LIMS1: variants seen among roughly 807,000 people sequenced by gnomAD.
LIMS1 encodes the protein LIM and senescent cell antigen-like-containing domain protein 1.
In LIMS1, 18 loss-of-function variants were observed where a neutral mutation model predicts 44.1. The ratio of observed to expected loss-of-function variants is 0.41; its 90% CI spans 0.28 to 0.61. The LOEUF (loss-of-function observed/expected upper bound fraction) is 0.61, where lower values mean the gene tolerates loss of function less well. Ranked by LOEUF, LIMS1 falls within the 20% of genes least tolerant of loss-of-function variation. LIMS1 has a pLI of 0.32. For synonymous variants in LIMS1, 93 were observed against 149.1 expected, an observed-to-expected ratio of 0.62 and a Z score of 2.74; for missense variants, 201 against 422.0, an observed-to-expected ratio of 0.48 and a Z score of 4.59.
chr2:108,555,212 G>A (rs761725493), intron 1 of LIMS1, among the ~76,000 whole-genome samples: 1 of 152,128 alleles, frequency 6.6e-6, no homozygotes, highest in Non-Finnish European at 1.5e-5. Context: ...TTTGAGGGGG[G>A]AGGGGGAAGC....
chr2:108,663,960 G>C (rs1472065712), intron 2 of LIMS1, among the ~76,000 whole-genome samples: 1 of 151,832 alleles, frequency 6.6e-6, no homozygotes, highest in African/African-American at 2.4e-5. Context: ...CTCCATGTTG[G>C]TCAGGCTGGT....
chr2:108,610,803 G>C (rs1414639912), intron 1 of LIMS1, among the ~76,000 whole-genome samples: 2 of 152,168 alleles, frequency 1.3e-5, no homozygotes, highest in African/African-American at 4.8e-5. Flanking sequence ...GTCATTGACA[G>C]AGATACCAGC....
chr2:108,657,337 A>C (rs1690944553), intron 1 of LIMS1, among the ~76,000 whole-genome samples: 1 of 152,292 alleles, frequency 6.6e-6, no homozygotes, highest in Non-Finnish European at 1.5e-5. Flanking sequence ...AAGATTGTTG[A>C]GGTTTGGTGA....
chr2:108,684,985 A>C (rs1019564208), exon 10 of LIMS1: 23 of 152,152 alleles, frequency 1.5e-4, no homozygotes, highest in African/African-American at 4.3e-4. Context: ...GCCATCTCAC[A>C]GAATACCAAC....
intron 1 of LIMS1, among the ~76,000 whole-genome samples, chr2:108,609,081 G>A (rs1289323651): frequency 1.3e-5 from 2 of 152,170 alleles, no homozygotes; most frequent in African/African-American, 2.4e-5. Context: ...TCTAACATAG[G>A]TGGGGTTATC....
At chr2:108,576,480 G>C (rs1415538454) in intron 1 of LIMS1, among the ~76,000 whole-genome samples, 1 of 152,002 alleles carries the variant, frequency 6.6e-6, no homozygotes, top group Non-Finnish European at 1.5e-5. Context: ...GGCTCACTGC[G>C]ACCTCTGCCT....
intron 1 of LIMS1, among the ~76,000 whole-genome samples, chr2:108,554,886 A>C (rs1684871656): frequency 6.6e-6 from 1 of 152,312 alleles, no homozygotes; most frequent in South Asian, 2.1e-4. Flanking sequence ...TTGAAGATGT[A>C]GAATCTTGGG....
chr2:108,590,550 C>G (rs1415950475), intron 1 of LIMS1, among the ~76,000 whole-genome samples: 1 of 152,212 alleles, frequency 6.6e-6, no homozygotes, highest in Non-Finnish European at 1.5e-5. Context: ...CAGGTAGTGT[C>G]AAGTTTTTGA....
chr2:108,585,352 C>A (rs1263707719), intron 1 of LIMS1, among the ~76,000 whole-genome samples: 1 of 151,848 alleles, frequency 6.6e-6, no homozygotes, highest in Non-Finnish European at 1.5e-5. Context: ...TAGGAGGCTG[C>A]GGCATGCCTG....
At chr2:108,570,081 T>A (rs1381686571) in intron 1 of LIMS1, among the ~76,000 whole-genome samples, 2 of 152,160 alleles carry the variant, frequency 1.3e-5, no homozygotes, top group African/African-American at 4.8e-5. Flanking sequence ...ATTTGACAGA[T>A]ATAGAGGAGT....
At chr2:108,676,539 C>T in intron 6 of LIMS1, 67 bp from the exon 7 acceptor site, 2 of 1,524,370 alleles carry the variant, frequency 1.3e-6, no homozygotes, top group Non-Finnish European at 1.8e-6. Flanking sequence ...TAGGTTAACT[C>T]TGGTATTTAC....
At chr2:108,622,167 T>C (rs1688286209) in intron 1 of LIMS1, among the ~76,000 whole-genome samples, 1 of 152,216 alleles carries the variant, frequency 6.6e-6, no homozygotes, top group African/African-American at 2.4e-5. Context: ...TGTTCCTGTT[T>C]TACTGATGAC....
chr2:108,676,808 T>G (rs1286272180), intron 7 of LIMS1, 110 bp downstream of exon 7: 2 of 752,234 alleles, frequency 2.7e-6, no homozygotes, highest in Non-Finnish European at 4.1e-6. Context: ...AGTAGAGATT[T>G]GTTTTTAACT....
At chr2:108,587,276 T>A (rs1686146883) in intron 1 of LIMS1, among the ~76,000 whole-genome samples, 1 of 149,058 alleles carries the variant, frequency 6.7e-6, no homozygotes, top group South Asian at 2.2e-4. Context: ...AGTGATGAGT[T>A]GTTTTCTTGG....
At chr2:108,570,218 G>T (rs769445739) in intron 1 of LIMS1, among the ~76,000 whole-genome samples, 5 of 152,008 alleles carry the variant, frequency 3.3e-5, no homozygotes, top group Non-Finnish European at 5.9e-5. Flanking sequence ...ATCACTTGAG[G>T]TTAGGAGTTC....
At chr2:108,631,808 C>T (rs774223749) in intron 1 of LIMS1, among the ~76,000 whole-genome samples, 10 of 152,158 alleles carry the variant, frequency 6.6e-5, no homozygotes, top group Non-Finnish European at 1.3e-4. Flanking sequence ...CAGAGATCTG[C>T]CTGTTTTGTG....
chr2:108,583,876 T>C (rs1330485644), intron 1 of LIMS1, among the ~76,000 whole-genome samples: 5 of 152,050 alleles, frequency 3.3e-5, no homozygotes, highest in Admixed American at 2.6e-4. Context: ...TATTTTTTAG[T>C]AGAGATGAGG....
intron 1 of LIMS1, among the ~76,000 whole-genome samples, chr2:108,608,972 A>G (rs967382481): frequency 3.3e-5 from 5 of 152,218 alleles, no homozygotes; most frequent in African/African-American, 1.2e-4. Context: ...ATTTTGTGCT[A>G]TATTTTAACT....
At chr2:108,591,106 T>A (rs1219934603) in intron 1 of LIMS1, among the ~76,000 whole-genome samples, 1 of 152,148 alleles carries the variant, frequency 6.6e-6, no homozygotes, top group Admixed American at 6.5e-5. Context: ...GTGAAGTGTT[T>A]GCTAATATTA....
Sources: allele counts gnomAD v4.1 joint callset (sites outside exome capture counted in the v4.1 genomes callset), GRCh38; gene constraint gnomAD v4.1.1; transcripts MANE v1.5; gene names NCBI Gene and HGNC (gene_info 2026-07-23, HGNC 2026-07-21).